Variants in RASA2 observed in about 807,000 individuals in gnomAD.
RASA2 encodes the protein RAS p21 protein activator 2, also known as ras GTPase-activating protein 2.
RASA2 carries 155 observed loss-of-function variants against 118.2 expected under a neutral mutation model. That is an observed-to-expected ratio of 1.31 (90% confidence interval 1.15 to 1.50). RASA2 has a LOEUF of 1.50. Ranked by LOEUF, RASA2 falls within the 40% of genes most tolerant of loss-of-function variation. RASA2 has a pLI of 0.00. For missense variants in RASA2, 1,016 were observed against 1,009.6 expected (o/e 1.01, Z -0.09); for synonymous variants, 353 against 349.1 (o/e 1.01, Z -0.12).
chr3:141,576,959 A>G (rs748540730), intron 14 of RASA2, 41 bp from the exon 15 acceptor site: 1 of 1,282,558 alleles, frequency 7.8e-7, no homozygotes, highest in East Asian at 2.4e-5. Context: ...TTGTTTTTTA[A>G]TTGTTTTTGT....
At position 141,516,251 on chromosome 3, in the gene RASA2, C is replaced by T. The variant is rs1446305293; in HGVS notation, c.252-77C>T. The T allele has an allele frequency of 5.3e-6, 5 of 949,726 alleles. No individual in the cohort carries two copies. In the South Asian group the frequency reaches 1.5e-4, roughly 29 times the overall value. The allele number at this position is 949,726 out of a possible 1,614,324, so 58.8% of individuals were successfully genotyped here. On this transcript the variant is annotated intron_variant, in intron 2 of 23. Coordinates refer to ENST00000286364, the MANE Select transcript of RASA2 (RefSeq NM_006506.5). The stretch of plus-strand genomic sequence containing the variant: ...AAGTGATATTATTTGAGTATTTATA[C>T]AATTATTATTGAAAGTGATATTAAT...
chr3:141,512,068 T>A, intron 1 of RASA2, 95 bp from the exon 2 acceptor site: 1 of 769,906 alleles, frequency 1.3e-6, no homozygotes, highest in Non-Finnish European at 2.1e-6. Flanking sequence ...CTGTGCCACA[T>A]TAATATGTTC....
chr3:141,543,876 C>CTTTTTTTTTTTTTTTTTTTTTTTTTCTT (rs529631210), intron 5 of RASA2, among the ~76,000 whole-genome samples: 4 of 117,318 alleles, frequency 3.4e-5, no homozygotes, highest in Non-Finnish European at 6.8e-5. Context: ...TTTCTTTTTT[C>CTTTTTTTTTTTTTTTTTTTTTTTTTCTT]TTTTTTTTTT....
intron 1 of RASA2, among the ~76,000 whole-genome samples, chr3:141,496,721 T>A (rs1398409286): frequency 6.6e-6 from 1 of 152,228 alleles, no homozygotes; most frequent in Non-Finnish European, 1.5e-5. Context: ...TTGGTGGGAC[T>A]GTAAACTAGT....
rs200092967 is a variant in RASA2, at chr3:141,559,886, A to G, written c.762-8A>G. 17 of 1,611,622 alleles carry G rather than the reference A, an allele frequency of 1.1e-5. No homozygotes were observed. The highest frequency in any genetic ancestry group is 2.2e-5 in the East Asian group (1 of 44,724). Reference sequence around the variant, plus strand: ...TTGCAAAACATAAAGCCAGTTTTCAATTTTCAGGATCGACTTGTGGAACAA... The same window carrying G: ...TTGCAAAACATAAAGCCAGTTTTCAGTTTTCAGGATCGACTTGTGGAACAA... On this transcript the variant is annotated splice_polypyrimidine_tract_variant and splice_region_variant and intron_variant, in intron 8 of 23. Transcript: ENST00000286364.
At chr3:141,604,641 C>T (rs1181094880) in intron 19 of RASA2, among the ~76,000 whole-genome samples, 1 of 151,742 alleles carries the variant, frequency 6.6e-6, no homozygotes, top group East Asian at 1.9e-4. Context: ...TTGTATAACA[C>T]ATCTTTTTCC....
intron 5 of RASA2, 68 bp downstream of exon 5, chr3:141,540,677 C>A: frequency 7.5e-7 from 1 of 1,342,266 alleles, no homozygotes; most frequent in Non-Finnish European, 1.0e-6. Context: ...CGATTTTAAG[C>A]CAACTCCTTG....
chr3:141,572,026 AAAC>A (rs1240801038), intron 11 of RASA2, among the ~76,000 whole-genome samples: 5 of 103,092 alleles, frequency 4.9e-5, no homozygotes, highest in Non-Finnish European at 9.0e-5. Flanking sequence ...CTTTTTAAAA[AAAC>A]ATATATATAT....
At chr3:141,605,085 C>G (rs1659278144) in intron 19 of RASA2, among the ~76,000 whole-genome samples, 1 of 151,992 alleles carries the variant, frequency 6.6e-6, no homozygotes, top group Non-Finnish European at 1.5e-5. Context: ...TTTGACTCTT[C>G]TATCTAAAAA....
chr3:141,592,268 A>G (rs1268810768), intron 19 of RASA2, among the ~76,000 whole-genome samples: 1 of 152,142 alleles, frequency 6.6e-6, no homozygotes, highest in Non-Finnish European at 1.5e-5. Flanking sequence ...CCATGTGGAT[A>G]TTTGGGATAA....
At chr3:141,590,025 C>T (rs1488256870) in intron 19 of RASA2, 1 of 426,466 alleles carries the variant, frequency 2.3e-6, no homozygotes, top group Non-Finnish European at 4.6e-6. Context: ...AAGTTTCAAG[C>T]TTATTTACCA....
intron 1 of RASA2, 96 bp downstream of exon 1, chr3:141,487,312 T>G: frequency 5.5e-6 from 6 of 1,095,110 alleles, no homozygotes; most frequent in Non-Finnish European, 5.6e-6. Flanking sequence ...CGAGCTGCGC[T>G]GGGATCGCGG....
intron 9 of RASA2, among the ~76,000 whole-genome samples, chr3:141,563,077 C>T (rs1248985131): frequency 6.6e-6 from 1 of 152,116 alleles, no homozygotes; most frequent in African/African-American, 2.4e-5. Flanking sequence ...ATTACACAGA[C>T]CCTATGGTTA....
chr3:141,603,824 T>C lies in RASA2; in HGVS notation c.1934-3854T>C, dbSNP rs570146066. Among the ~76,000 whole-genome samples the C allele has an allele frequency of 2.5e-4, 38 of 152,344 alleles. 1 individual carries two copies. The East Asian group carries it at 7.0e-3, about 28-fold the overall frequency. On this transcript the variant is annotated intron_variant, in intron 19 of 23. Coordinates refer to ENST00000286364, the MANE Select transcript of RASA2 (RefSeq NM_006506.5). ...AGATTTGCCCATTCTAGACATTTCA[T>C]GTACATGGAATCATATGTAGCCTTT...
intron 16 of RASA2, 62 bp downstream of exon 16, chr3:141,580,513 C>T: frequency 2.3e-6 from 3 of 1,303,624 alleles, no homozygotes; most frequent in Non-Finnish European, 3.3e-6. Context: ...TCCTATGATC[C>T]CTTATCCTTG....
chr3:141,592,617 T>C (rs1202326759), intron 19 of RASA2, among the ~76,000 whole-genome samples: 2 of 152,136 alleles, frequency 1.3e-5, no homozygotes, highest in African/African-American at 4.8e-5. Flanking sequence ...TAAAATATTC[T>C]AGAGGAGAAA....
intron 3 of RASA2, among the ~76,000 whole-genome samples, chr3:141,528,396 C>T (rs1293496846): frequency 2.0e-5 from 3 of 151,600 alleles, no homozygotes; most frequent in African/African-American, 7.3e-5. Context: ...TTCAGTGGTT[C>T]AGAAAAAGAA....
chr3:141,575,480 AGTAACACACACAGT>A (rs2082995469), intron 14 of RASA2, among the ~76,000 whole-genome samples: 1 of 152,266 alleles, frequency 6.6e-6, no homozygotes, highest in Non-Finnish European at 1.5e-5. Flanking sequence ...TTGACTACTT[AGTAACACACACAGT>A]GTTAGTGTGT....
intron 19 of RASA2, among the ~76,000 whole-genome samples, chr3:141,598,648 G>C (rs1024156684): frequency 6.6e-6 from 1 of 152,118 alleles, no homozygotes; most frequent in Non-Finnish European, 1.5e-5. Flanking sequence ...ATTTAATTTA[G>C]CAAGGTCTTG....
Sources: gnomAD v4.1 joint callset for allele counts (sites outside exome capture counted in the v4.1 genomes callset) on GRCh38, gnomAD v4.1.1 for gene constraint, MANE v1.5 for transcripts, NCBI Gene and HGNC (gene_info 2026-07-23, HGNC 2026-07-21) for gene names.